Variants in VMP1 observed in about 807,000 individuals in gnomAD.
VMP1 encodes the protein vacuole membrane protein 1.
VMP1 carries 11 observed loss-of-function variants against 56.0 expected under a neutral mutation model. The ratio of observed to expected loss-of-function variants is 0.20; its 90% CI spans 0.12 to 0.32. The LOEUF is 0.32. VMP1 is among the 10% of genes least tolerant of loss of function. The probability of loss-of-function intolerance (pLI) is 1.00; values close to 1 mark genes in which losing one functional copy is unlikely to be tolerated. For missense variants in VMP1, 296 were observed against 490.3 expected (o/e 0.60, Z 3.74); for synonymous variants, 149 against 165.0 (o/e 0.90, Z 0.74).
chr17:59,811,552 C>T, intron 8 of VMP1, 118 bp from the exon 9 acceptor site: 3 of 744,520 alleles, frequency 4.0e-6, no homozygotes, highest in Non-Finnish European at 6.9e-6. Context: ...GATCAAGGAA[C>T]CCATATATTG....
intron 2 of VMP1, among the ~76,000 whole-genome samples, chr17:59,732,966 G>A (rs1165245440): frequency 1.3e-5 from 2 of 152,252 alleles, no homozygotes; most frequent in Middle Eastern, 6.8e-3. Context: ...CCAGGAGTTT[G>A]AGACCAGCCA....
intron 7 of VMP1, among the ~76,000 whole-genome samples, chr17:59,782,876 C>CAGA (rs2036873783): frequency 6.6e-6 from 1 of 152,060 alleles, no homozygotes; most frequent in African/African-American, 2.4e-5. Flanking sequence ...ATGTGCTTTC[C>CAGA]AACTAGGTTA....
intron 1 of VMP1, among the ~76,000 whole-genome samples, chr17:59,713,133 G>A (rs1375401182): frequency 6.6e-6 from 1 of 151,990 alleles, no homozygotes; most frequent in African/African-American, 2.4e-5. Context: ...AGAAGACCAG[G>A]TTTGTTTGTT....
At chr17:59,786,291 G>A (rs2037004329) in intron 7 of VMP1, among the ~76,000 whole-genome samples, 1 of 152,158 alleles carries the variant, frequency 6.6e-6, no homozygotes, top group African/African-American at 2.4e-5. Flanking sequence ...CTATGGGAAA[G>A]GAATTGATAA....
chr17:59,833,442 C>T (rs1050540635), intron 10 of VMP1, among the ~76,000 whole-genome samples: 7 of 151,796 alleles, frequency 4.6e-5, no homozygotes, highest in Non-Finnish European at 7.4e-5. Flanking sequence ...TCTTTTGAGG[C>T]CAGGAATTTG....
intron 7 of VMP1, among the ~76,000 whole-genome samples, chr17:59,784,542 C>T (rs1480488091): frequency 1.3e-5 from 2 of 152,128 alleles, no homozygotes; most frequent in Non-Finnish European, 2.9e-5. Flanking sequence ...TTTCTTATCT[C>T]TCCAGGAGTC....
At position 59,840,592 on chromosome 17, in the gene VMP1, A is replaced by G. The variant is rs879381390; in HGVS notation, c.*681A>G. The G allele has an allele frequency of 2.6e-5, 4 of 152,570 alleles. No individual in the cohort carries two copies. Among genetic ancestry groups the G allele is most frequent in the Non-Finnish European group, 5.9e-5 (4 of 68,026 alleles). The allele number at this position is 152,570 out of a possible 1,614,324, so 9.5% of individuals were successfully genotyped here. On this transcript the variant is annotated 3_prime_UTR_variant, in exon 12 of 12. Transcript: ENST00000262291. ...ATAAAGACATCTTTAATCATTCCAA[A>G]ATTGTGTCCGTTTTCTTGAGCGTTT... is the stretch of plus-strand genomic sequence containing the variant.
At chr17:59,812,006 C>A (rs1273722011) in intron 9 of VMP1, among the ~76,000 whole-genome samples, 1 of 151,430 alleles carries the variant, frequency 6.6e-6, no homozygotes, top group Non-Finnish European at 1.5e-5. Context: ...TCCTTCTTTC[C>A]TTCCTTTCTC....
At chr17:59,766,790 CT>C (rs1008895977) in intron 6 of VMP1, among the ~76,000 whole-genome samples, 3 of 148,332 alleles carry the variant, frequency 2.0e-5, no homozygotes, top group Admixed American at 6.7e-5. Context: ...TTTTTTTTTG[CT>C]TTTTTTTTGA....
chr17:59,833,654 A>C (rs2144332378), intron 10 of VMP1, among the ~76,000 whole-genome samples: 1 of 152,350 alleles, frequency 6.6e-6, no homozygotes, highest in African/African-American at 2.4e-5. Context: ...CATCATGTGA[A>C]TACACATCAT....
rs139349477 is a variant in VMP1 at position 59,723,420 on chromosome 17, A to G, written c.-26-8001A>G. 1.8e-4 allele frequency among the ~76,000 whole-genome samples: 27 copies of G among 152,328 alleles called. No individual in the cohort carries two copies. The East Asian group carries it at 5.2e-3, about 29-fold the overall frequency. On this transcript the variant is annotated intron_variant, in intron 1 of 11. Transcript: ENST00000262291. ...CGTCAGAGAAATAGGAGGAAAAATG[A>G]AAGTATTTCAAGAAATAGGGAGTGG...
At chr17:59,723,155 G>T (rs1452724308) in intron 1 of VMP1, among the ~76,000 whole-genome samples, 4 of 152,098 alleles carry the variant, frequency 2.6e-5, no homozygotes, top group Non-Finnish European at 5.9e-5. Context: ...AGTAGAATAG[G>T]CTTGATATTC....
intron 5 of VMP1, among the ~76,000 whole-genome samples, chr17:59,761,893 C>A (rs1474784465): frequency 6.6e-6 from 1 of 152,170 alleles, no homozygotes; most frequent in African/African-American, 2.4e-5. Flanking sequence ...TTCTTGAATC[C>A]TGAACTCGTG....
chr17:59,809,157 G>A (rs897405462), intron 8 of VMP1, among the ~76,000 whole-genome samples: 9 of 148,810 alleles, frequency 6.0e-5, no homozygotes, highest in South Asian at 2.1e-4. Flanking sequence ...GCACCCCCAC[G>A]CCTGGCTAAT....
At chr17:59,790,423 T>A (rs2037184322) in intron 7 of VMP1, among the ~76,000 whole-genome samples, 1 of 152,196 alleles carries the variant, frequency 6.6e-6, no homozygotes, top group East Asian at 1.9e-4. Flanking sequence ...CTACTTGTAG[T>A]AAAGACTCAG....
Position 59,732,399 on chromosome 17 carries a change from C to T in VMP1, c.76+877C>T, listed in dbSNP as rs573447199. On this transcript the variant is annotated intron_variant, in intron 2 of 11. Transcript: ENST00000262291. ...CTGGAATTAAAGGCATGCGCCACCA[C>T]GCCCAGCCAATTTTTGTATTTTTAG... Among the ~76,000 whole-genome samples the T allele has an allele frequency of 3.9e-5, 6 of 152,268 alleles. No homozygotes were observed. The South Asian group carries it at 8.3e-4, about 21-fold the overall frequency.
chr17:59,719,688 G>A (rs1458948179), intron 1 of VMP1, among the ~76,000 whole-genome samples: 1 of 151,994 alleles, frequency 6.6e-6, no homozygotes, highest in South Asian at 2.1e-4. Context: ...GGGACTCTCA[G>A]TAATTTACTT....
At chr17:59,811,582 T>C in intron 8 of VMP1, 88 bp from the exon 9 acceptor site, 3 of 983,928 alleles carry the variant, frequency 3.0e-6, no homozygotes, top group South Asian at 1.4e-5. Flanking sequence ...GTAAGCAGGC[T>C]GAAAGCAGAA....
chr17:59,734,624 T>C (rs951000999), intron 2 of VMP1, among the ~76,000 whole-genome samples: 2 of 152,094 alleles, frequency 1.3e-5, no homozygotes, highest in Non-Finnish European at 1.5e-5. Flanking sequence ...TCCTAGCTGC[T>C]TGGGAGGCTG....
Sources: allele counts gnomAD v4.1 joint callset (sites outside exome capture counted in the v4.1 genomes callset), GRCh38; gene constraint gnomAD v4.1.1; transcripts MANE v1.5; gene names NCBI Gene and HGNC (gene_info 2026-07-23, HGNC 2026-07-21).